GJB5: variants seen among roughly 807,000 people sequenced by gnomAD.
GJB5 encodes gap junction protein beta 5, also known as gap junction beta-5 protein.
For synonymous variants in GJB5, 146 were observed against 145.5 expected, an observed-to-expected ratio of 1.00 and a Z score of -0.02; for missense variants, 333 against 357.9, an observed-to-expected ratio of 0.93 and a Z score of 0.56.
Position 34,757,650 on chromosome 1 carries a change from A to T in GJB5, c.320A>T (p.Glu107Val). 6.2e-7 allele frequency: 1 copy of T among 1,614,004 alleles called. No individual in the cohort carries two copies. Among genetic ancestry groups the T allele is most frequent in the Non-Finnish European group, 8.5e-7 (1 of 1,180,006 alleles). Residue 107 changes from glutamate (E) to valine (V), a missense_variant, in exon 2 of 2, where the codon GAA becomes GTA. By Grantham distance (121) the Glu-to-Val change is moderately radical. Coordinates refer to ENST00000338513, the MANE Select transcript of GJB5 (RefSeq NM_005268.4). ...GAGGTTCAGGAGAAGAGGCACCGAG[A>T]AGCCCATGGGGAGAACAGTGGGCGC... ...YREVQEKRHR[E>V]AHGENSGRLY...
chr1:34,758,264 GA>G lies in GJB5; in HGVS notation c.*113del. 1 of 807,074 alleles carries G rather than the reference GA, an allele frequency of 1.2e-6. No individual in the cohort carries two copies. Among genetic ancestry groups the G allele is most frequent in the Admixed American group, 2.6e-5 (1 of 37,900 alleles). The allele number at this position is 807,074 out of a possible 1,614,324, so 50.0% of individuals were successfully genotyped here. On this transcript the variant is annotated 3_prime_UTR_variant, in exon 2 of 2. Transcript: ENST00000338513. ...TAAGCCATGAGGTAGGGGCAGGCAA[GA>G]GAGAGGATTCAGACGCTCTGGGAGC...
chr1:34,757,167 T>G, intron 1 of GJB5, 140 bp from the exon 2 acceptor site: 1 of 611,134 alleles, frequency 1.6e-6, no homozygotes, highest in Non-Finnish European at 2.9e-6. Context: ...CTCAGCTCCC[T>G]CCCTCTACAA....
At chr1:34,755,569 C>A (rs1224471585) in intron 1 of GJB5, among the ~76,000 whole-genome samples, 2 of 152,192 alleles carry the variant, frequency 1.3e-5, no homozygotes, top group Non-Finnish European at 1.5e-5. Context: ...TGATTCAAAA[C>A]AGAGCTCCCC....
chr1:34,758,211 C>A lies in GJB5; in HGVS notation c.*59C>A. The A allele has an allele frequency of 7.6e-7, 1 of 1,318,846 alleles. No homozygotes were observed. The highest frequency in any genetic ancestry group is 1.1e-6 in the Non-Finnish European group (1 of 930,686). 81.7% of individuals were successfully genotyped at this position (1,318,846 alleles called of 1,614,324 possible). On this transcript the variant is annotated 3_prime_UTR_variant, in exon 2 of 2. Transcript: ENST00000338513. ...TGGATGGGGAGGCTCTAGCATCTCT[C>A]ATAGGTGCAACCTGAGAGTGGGGGA...
chr1:34,757,943 C>T lies in GJB5; in HGVS notation c.613C>T (p.Leu205Phe). ...AICILLNLVE[L>F]IYLVSKRCHE... The stretch of plus-strand genomic sequence containing the variant: ...CTGCATCCTGCTCAACCTCGTGGAG[C>T]TCATCTACCTGGTGAGCAAGAGATG... The change falls in exon 2 of 2, where the codon CTC becomes TTC. Residue 205 changes from leucine (L) to phenylalanine (F), a missense_variant. Coordinates refer to ENST00000338513, the MANE Select transcript of GJB5 (RefSeq NM_005268.4). 1 of 1,614,060 alleles carries T rather than the reference C, an allele frequency of 6.2e-7. No homozygotes were observed. The highest frequency in any genetic ancestry group is 8.5e-7 in the Non-Finnish European group (1 of 1,180,012).
chr1:34,755,702 C>T (rs960675519), intron 1 of GJB5, among the ~76,000 whole-genome samples: 3 of 152,076 alleles, frequency 2.0e-5, no homozygotes, highest in African/African-American at 4.8e-5. Context: ...AGGGGAAGGA[C>T]AGAATCCGTC....
chr1:34,758,101 T>C lies in GJB5; in HGVS notation c.771T>C (p.Pro257=), dbSNP rs1157709674. 1 of 1,613,868 alleles carries C rather than the reference T, an allele frequency of 6.2e-7. No individual in the cohort carries two copies. Among genetic ancestry groups the C allele is most frequent in the East Asian group, 2.2e-5 (1 of 44,866 alleles). Residue 257 remains proline (P), a synonymous_variant, in exon 2 of 2, where the codon CCT becomes CCC. Coordinates refer to ENST00000338513, the MANE Select transcript of GJB5 (RefSeq NM_005268.4). ...DLIFLGSDSH[P]PLLPDRPRDH... ...TCTTTCTGGGCTCAGACAGTCATCC[T>C]CCTCTCTTACCAGACCGCCCCCGAG...
intron 1 of GJB5, 52 bp from the exon 2 acceptor site, chr1:34,757,255 C>A: frequency 9.8e-7 from 1 of 1,024,076 alleles, no homozygotes; most frequent in Non-Finnish European, 1.5e-6. Flanking sequence ...ACAAAGTGCT[C>A]AGAGCAAGTC....
Position 34,758,336 on chromosome 1 carries a change from A to G in GJB5, c.*184A>G. On this transcript the variant is annotated 3_prime_UTR_variant, in exon 2 of 2. Transcript: ENST00000338513. The stretch of plus-strand genomic sequence containing the variant: ...CAGCCACCTGCCCCAGCTCGACGGC[A>G]CTGGGCCAGTTCCCCCTCTGCTCTG... 1.6e-6 allele frequency: 1 copy of G among 616,146 alleles called. No homozygotes were observed. Among genetic ancestry groups the G allele is most frequent in the Non-Finnish European group, 3.0e-6 (1 of 338,972 alleles). The allele number at this position is 616,146 out of a possible 1,614,324, so 38.2% of individuals were successfully genotyped here. A position where few individuals can be genotyped will look rare whatever the true frequency, so the allele number is the denominator to read the frequency against.
chr1:34,757,689 C>G lies in GJB5; in HGVS notation c.359C>G (p.Pro120Arg). The G allele has an allele frequency of 6.2e-7, 1 of 1,613,854 alleles. No individual in the cohort carries two copies. The highest frequency in any genetic ancestry group is 8.5e-7 in the Non-Finnish European group (1 of 1,179,970). ...AACAGTGGGCGCCTCTACCTGAACC[C>G]CGGCAAGAAGCGGGGTGGGCTCTGG... is the stretch of plus-strand genomic sequence containing the variant. ...GENSGRLYLNPGKKRGGLWWT... is the reference protein window; with the variant it reads ...GENSGRLYLNRGKKRGGLWWT... The change falls in exon 2 of 2, where the codon CCC (proline) becomes CGC (arginine). Residue 120 changes from proline to arginine, a missense_variant. Coordinates refer to ENST00000338513, the MANE Select transcript of GJB5 (RefSeq NM_005268.4).
rs752464616 is a variant in GJB5 at position 34,758,119 on chromosome 1, C to A, written c.789C>A (p.Arg263=). ...GTCATCCTCCTCTCTTACCAGACCG[C>A]CCCCGAGACCATGTGAAGAAAACCA... ...SDSHPPLLPD[R]PRDHVKKTIL is the part of the protein sequence containing the mutation. Residue 263 remains arginine (R), a synonymous_variant, in exon 2 of 2, where the codon CGC becomes CGA. Transcript: ENST00000338513. 6.2e-7 allele frequency: 1 copy of A among 1,613,952 alleles called. No individual in the cohort carries two copies. The highest frequency in any genetic ancestry group is 8.5e-7 in the Non-Finnish European group (1 of 1,179,920).
chr1:34,757,997 C>T lies in GJB5; in HGVS notation c.667C>T (p.Gln223Ter), dbSNP rs2124213569. ...CGAGTGCCTGGCAGCAAGGAAAGCT[C>T]AAGCCATGTGCACAGGTCATCACCC... ...CHECLAARKA[Q>*]AMCTGHHPHG... The change falls in exon 2 of 2, where the codon CAA becomes TAA. Residue 223 changes from glutamine (Q) to a stop codon, truncating the protein, a stop_gained. Transcript: ENST00000338513. LOFTEE classifies it low-confidence loss of function (END_TRUNC). 1 of 1,614,074 alleles carries T rather than the reference C, an allele frequency of 6.2e-7. No individual in the cohort carries two copies. Among genetic ancestry groups the T allele is most frequent in the Non-Finnish European group, 8.5e-7 (1 of 1,180,028 alleles).
rs781711580 is a variant in GJB5, at chr1:34,758,181, G to A, written c.*29G>A. 1.9e-6 allele frequency: 3 copies of A among 1,555,484 alleles called. No individual in the cohort carries two copies. ...GCTGCCTGGACTGGTCTGGCAGGTT[G>A]GGCCTGGATGGGGAGGCTCTAGCAT... On this transcript the variant is annotated 3_prime_UTR_variant, in exon 2 of 2. Transcript: ENST00000338513.
chr1:34,757,183 G>A (rs1194353077), intron 1 of GJB5, 124 bp from the exon 2 acceptor site: 2 of 624,204 alleles, frequency 3.2e-6, no homozygotes, highest in African/African-American at 3.7e-5. Flanking sequence ...TACAAAATGG[G>A]GACAGTAGTA....
At position 34,756,994 on chromosome 1, in the gene GJB5, C is replaced by T. The variant is rs562810268; in HGVS notation, c.-24-313C>T. Among the ~76,000 whole-genome samples the T allele has an allele frequency of 2.6e-5, 4 of 152,330 alleles. No homozygotes were observed. The South Asian group carries it at 8.3e-4, about 32-fold the overall frequency. On this transcript the variant is annotated intron_variant, in intron 1 of 1. Coordinates refer to ENST00000338513, the MANE Select transcript of GJB5 (RefSeq NM_005268.4). ...CTCCACCAGTCTTCACTCTGCAGAA[C>T]CTCAAGACCAGAGCCTCAGGCCCGG... is the stretch of plus-strand genomic sequence containing the variant.
chr1:34,756,181 T>A (rs890633241), intron 1 of GJB5, among the ~76,000 whole-genome samples: 1 of 152,146 alleles, frequency 6.6e-6, no homozygotes, highest in South Asian at 2.1e-4. Flanking sequence ...CCACAGTGCA[T>A]GGGTCTTAAT....
At chr1:34,756,088 CCAGCA>C (rs1639576925) in intron 1 of GJB5, among the ~76,000 whole-genome samples, 1 of 152,180 alleles carries the variant, frequency 6.6e-6, no homozygotes, top group Non-Finnish European at 1.5e-5. Flanking sequence ...TCAGCCTGGA[CCAGCA>C]TGGGAAGGCC....
chr1:34,758,303 C>A lies in GJB5; in HGVS notation c.*151C>A. 1.5e-6 allele frequency: 1 copy of A among 645,178 alleles called. No individual in the cohort carries two copies. The highest frequency in any genetic ancestry group is 2.7e-6 in the Non-Finnish European group (1 of 363,918). 40.0% of individuals were successfully genotyped at this position (645,178 alleles called of 1,614,324 possible). The stretch of plus-strand genomic sequence containing the variant: ...ACGCTCTGGGAGCCAGTTCCTAGTC[C>A]TCAACTCCAGCCACCTGCCCCAGCT... On this transcript the variant is annotated 3_prime_UTR_variant, in exon 2 of 2. Coordinates refer to ENST00000338513, the MANE Select transcript of GJB5 (RefSeq NM_005268.4).
rs1639625521 is a variant in GJB5, at chr1:34,757,884, T to C, written c.554T>C (p.Ile185Thr). 6.2e-7 allele frequency: 1 copy of C among 1,613,786 alleles called. No individual in the cohort carries two copies. Among genetic ancestry groups the C allele is most frequent in the Non-Finnish European group, 8.5e-7 (1 of 1,179,960 alleles). Residue 185 changes from isoleucine (I) to threonine (T), a missense_variant, in exon 2 of 2, where the codon ATT becomes ACT. Transcript: ENST00000338513. ...ATCTCCAAGCCCTCAGAGAAGAACA[T>C]TTTCACCCTCTTCATGGTGGCCACA... is the stretch of plus-strand genomic sequence containing the variant. ...CFISKPSEKN[I>T]FTLFMVATAA...
Sources: gnomAD v4.1 joint callset for allele counts (sites outside exome capture counted in the v4.1 genomes callset) on GRCh38, gnomAD v4.1.1 for gene constraint, MANE v1.5 for transcripts, NCBI Gene and HGNC (gene_info 2026-07-23, HGNC 2026-07-21) for gene names.